Variants in SNX18 observed in about 807,000 individuals in gnomAD.
SNX18 encodes the protein sorting nexin-18.
In SNX18, 35 loss-of-function variants were observed where a neutral mutation model predicts 48.7. That is an observed-to-expected ratio of 0.72 (90% CI 0.55 to 0.95). The LOEUF (loss-of-function observed/expected upper bound fraction) is 0.95. SNX18 is among the 40% of genes least tolerant of loss of function. The probability of loss-of-function intolerance (pLI) is 0.00; values close to 1 mark genes in which losing one functional copy is unlikely to be tolerated. For missense variants in SNX18, 824 were observed against 871.0 expected, an observed-to-expected ratio of 0.95 and a Z score of 0.68; for synonymous variants, 492 against 384.7, an observed-to-expected ratio of 1.28 and a Z score of -3.26.
the SNX18 span, among the ~76,000 whole-genome samples, chr5:54,624,683 G>A: frequency 6.6e-6 from 1 of 152,156 alleles, no homozygotes; most frequent in Non-Finnish European, 1.5e-5. Context: ...CTGCTTCTTA[G>A]GTTGTTCAAT....
chr5:54,605,566 TTA>T, the SNX18 span, among the ~76,000 whole-genome samples: 1 of 152,336 alleles, frequency 6.6e-6, no homozygotes, highest in Non-Finnish European at 1.5e-5. Context: ...AAAAGTTTAA[TTA>T]TATGTTTTAT....
At chr5:54,584,352 G>A in the SNX18 span, among the ~76,000 whole-genome samples, 1 of 151,992 alleles carries the variant, frequency 6.6e-6, no homozygotes, top group Non-Finnish European at 1.5e-5. Flanking sequence ...CCAGGCACCA[G>A]TGTGTAGCTT....
At chr5:54,639,783 A>G in the SNX18 span, among the ~76,000 whole-genome samples, 1 of 149,878 alleles carries the variant, frequency 6.7e-6, no homozygotes, top group Non-Finnish European at 1.5e-5. Flanking sequence ...GTACTCAGAG[A>G]AGCGATTTGC....
chr5:54,557,215 A>G, the SNX18 span, among the ~76,000 whole-genome samples: 2 of 152,240 alleles, frequency 1.3e-5, no homozygotes, highest in African/African-American at 4.8e-5. Flanking sequence ...CATGTCAGGC[A>G]CCACCTGACC....
In SNX18 at chr5:54,518,477, A is replaced by G. The variant is rs779161218; in HGVS notation, c.525A>G (p.Ala175=). Residue 175 remains alanine, a synonymous_variant, in exon 1 of 2, where the codon GCA becomes GCG. Coordinates refer to ENST00000381410, the MANE Select transcript of SNX18 (RefSeq NM_001102575.2). ...AGCCGGGCGCTCTGGGCAGCGGAGC[A>G]TACCCGGACCTCGACGGCTCGTCTT... ...ADEPGALGSG[A]YPDLDGSSSA... The G allele has an allele frequency of 3.8e-6, 6 of 1,571,288 alleles. No individual in the cohort carries two copies. The highest frequency in any genetic ancestry group is 2.4e-5 in the East Asian group (1 of 42,182).
chr5:54,631,924 A>G, the SNX18 span, among the ~76,000 whole-genome samples: 1 of 152,362 alleles, frequency 6.6e-6, no homozygotes, highest in East Asian at 1.9e-4. Context: ...AAATTGGGCC[A>G]GAGCAGATTA....
At chr5:54,591,089 T>C in the SNX18 span, among the ~76,000 whole-genome samples, 1 of 152,138 alleles carries the variant, frequency 6.6e-6, no homozygotes, top group Non-Finnish European at 1.5e-5. Flanking sequence ...CTTCCATAAA[T>C]TACAGGAATA....
chr5:54,577,086 C>A, the SNX18 span, among the ~76,000 whole-genome samples: 1 of 152,194 alleles, frequency 6.6e-6, no homozygotes, highest in South Asian at 2.1e-4. Flanking sequence ...CAGGCGTGAG[C>A]CACCGTGCCC....
At chr5:54,645,042 A>T in the SNX18 span, 1 of 152,194 alleles carries the variant, frequency 6.6e-6, no homozygotes, top group Non-Finnish European at 1.5e-5. Flanking sequence ...TCCACAGGTG[A>T]TTTGCATGCA....
chr5:54,631,762 A>G, the SNX18 span, among the ~76,000 whole-genome samples: 1 of 152,214 alleles, frequency 6.6e-6, no homozygotes, highest in Non-Finnish European at 1.5e-5. Context: ...AATGGTACCT[A>G]CACTTATTTG....
At chr5:54,561,369 G>A in the SNX18 span, among the ~76,000 whole-genome samples, 25,268 of 149,236 alleles carry the variant, frequency 0.17, 2,465 homozygotes, top group Middle Eastern at 0.3. Context: ...TTTTTATTTC[G>A]ACAGGGTCTC....
intron 1 of SNX18, among the ~76,000 whole-genome samples, chr5:54,539,135 C>T (rs764740420): frequency 2.6e-5 from 4 of 152,032 alleles, no homozygotes; most frequent in Admixed American, 1.3e-4. Flanking sequence ...TGGACTCTCC[C>T]GCCTCAGCCT....
chr5:54,520,036 C>G (rs1761988070), intron 1 of SNX18: 1 of 523,044 alleles, frequency 1.9e-6, no homozygotes, highest in Admixed American at 3.6e-5. Flanking sequence ...TTCCACACCT[C>G]TCAATCTCTG....
At chr5:54,636,278 A>G in the SNX18 span, among the ~76,000 whole-genome samples, 2 of 152,054 alleles carry the variant, frequency 1.3e-5, no homozygotes, top group Non-Finnish European at 2.9e-5. Context: ...AAGTCTACTG[A>G]TATCACTTTT....
chr5:54,591,219 A>G, the SNX18 span, among the ~76,000 whole-genome samples: 1 of 151,612 alleles, frequency 6.6e-6, no homozygotes, highest in Non-Finnish European at 1.5e-5. Flanking sequence ...TTGTTCTGTC[A>G]GCCAGGCTAG....
chr5:54,561,136 G>A, the SNX18 span, among the ~76,000 whole-genome samples: 1 of 152,176 alleles, frequency 6.6e-6, no homozygotes, highest in Admixed American at 6.6e-5. Context: ...TCTGCCTCCT[G>A]GGTTTAAGCG....
In SNX18 at chr5:54,543,541, G is replaced by C; in HGVS notation, c.*109G>C. The C allele has an allele frequency of 3.0e-6, 4 of 1,340,562 alleles. No individual in the cohort carries two copies. Among genetic ancestry groups the C allele is most frequent in the Non-Finnish European group, 4.1e-6 (4 of 977,790 alleles). The allele number at this position is 1,340,562 out of a possible 1,614,324, so 83.0% of individuals were successfully genotyped here. A position where few individuals can be genotyped will look rare whatever the true frequency, so the allele number is the denominator to read the frequency against. On this transcript the variant is annotated 3_prime_UTR_variant, in exon 2 of 2. Transcript: ENST00000381410. ...CAGCTATCAGTGGTGGTACAAGGAC[G>C]GTTTTGTGTTCATCTGAAACCCAGC...
chr5:54,525,736 A>G (rs984129371), intron 1 of SNX18, among the ~76,000 whole-genome samples: 10 of 152,144 alleles, frequency 6.6e-5, no homozygotes, highest in African/African-American at 9.7e-5. Context: ...AGTGAGGTTC[A>G]TTATTTCCTA....
In SNX18 at chr5:54,519,083, C is replaced by T; in HGVS notation, c.1131C>T (p.His377=). Residue 377 remains histidine (H), a synonymous_variant, in exon 1 of 2, where the codon CAC becomes CAT. Transcript: ENST00000381410. ...TGGCGCAGTGCGACGTCTTCCAGCA[C>T]TTCCTGACGTGCCCCAGCAGCACCG... ...PVLAQCDVFQ[H]FLTCPSSTDE... The T allele has an allele frequency of 6.2e-7, 1 of 1,614,042 alleles. No individual in the cohort carries two copies. Among genetic ancestry groups the T allele is most frequent in the Non-Finnish European group, 8.5e-7 (1 of 1,180,020 alleles).
Sources: allele counts gnomAD v4.1 joint callset (sites outside exome capture counted in the v4.1 genomes callset), GRCh38; gene constraint gnomAD v4.1.1; transcripts MANE v1.5; gene names NCBI Gene and HGNC (gene_info 2026-07-23, HGNC 2026-07-21).